The following WDR70 variants were observed in gnomAD, a reference collection of about 807,000 sequenced individuals.
WDR70 encodes the protein WD repeat domain 70, also known as WD repeat-containing protein 70.
Under a neutral mutation model 88.6 loss-of-function variants are expected in WDR70, and 53 were observed. The observed-to-expected ratio is 0.60, with a 90% confidence interval of 0.48 to 0.75. The LOEUF is 0.75. Among genes scored for constraint, WDR70 ranks in the 30% least tolerant of loss-of-function variants. The pLI is 0.00. For synonymous variants in WDR70, 280 were observed against 270.0 expected (o/e 1.04, Z -0.36); for missense variants, 610 against 823.2 (o/e 0.74, Z 3.17).
At chr5:37,703,956 A>G (rs1298264380) in intron 13 of WDR70, among the ~76,000 whole-genome samples, 1 of 152,218 alleles carries the variant, frequency 6.6e-6, no homozygotes, top group African/African-American at 2.4e-5. Flanking sequence ...CAGTTGAGAC[A>G]TATTATGCAC....
intron 9 of WDR70, among the ~76,000 whole-genome samples, chr5:37,523,938 TA>T (rs1413582545): frequency 6.6e-6 from 1 of 150,936 alleles, no homozygotes; most frequent in Non-Finnish European, 1.5e-5. Flanking sequence ...GAAAAAAGAG[TA>T]AAAAGAAATG....
chr5:37,602,556 G>A (rs563723035), intron 9 of WDR70, among the ~76,000 whole-genome samples: 203 of 152,006 alleles, frequency 1.3e-3, no homozygotes, highest in Non-Finnish European at 1.9e-3. Context: ...AACCTGGGAG[G>A]CGGAGGCTGC....
chr5:37,551,563 A>C (rs897996559), intron 9 of WDR70, among the ~76,000 whole-genome samples: 2 of 151,490 alleles, frequency 1.3e-5, no homozygotes, highest in Non-Finnish European at 2.9e-5. Context: ...CCCTGTCTCT[A>C]CTAAAAATAC....
At chr5:37,465,574 G>A (rs1327541841) in intron 7 of WDR70, among the ~76,000 whole-genome samples, 3 of 151,376 alleles carry the variant, frequency 2.0e-5, no homozygotes, top group Non-Finnish European at 4.4e-5. Context: ...CAGCTAGGAC[G>A]AAAAATTCTA....
chr5:37,644,634 A>G (rs1745186937), intron 10 of WDR70, among the ~76,000 whole-genome samples: 1 of 151,842 alleles, frequency 6.6e-6, no homozygotes, highest in Non-Finnish European at 1.5e-5. Context: ...GGGAAACTTT[A>G]TTATGGCTTC....
At chr5:37,573,211 C>T (rs757216960) in intron 9 of WDR70, among the ~76,000 whole-genome samples, 41 of 152,210 alleles carry the variant, frequency 2.7e-4, no homozygotes, top group Middle Eastern at 3.4e-3. Context: ...TCAGGTTTCC[C>T]GTCTTGCCTT....
At chr5:37,558,050 A>G (rs1339476659) in intron 9 of WDR70, among the ~76,000 whole-genome samples, 1 of 150,544 alleles carries the variant, frequency 6.6e-6, no homozygotes, top group Non-Finnish European at 1.5e-5. Flanking sequence ...AAGAACTAGC[A>G]TGACCACTCT....
chr5:37,480,378 T>G (rs945730707), intron 8 of WDR70, among the ~76,000 whole-genome samples: 2 of 152,212 alleles, frequency 1.3e-5, no homozygotes, highest in Admixed American at 6.5e-5. Flanking sequence ...TAGTCTGTTC[T>G]CATGCTGCTA....
At chr5:37,707,415 T>C (rs985355538) in intron 13 of WDR70, among the ~76,000 whole-genome samples, 1 of 152,212 alleles carries the variant, frequency 6.6e-6, no homozygotes, top group African/African-American at 2.4e-5. Flanking sequence ...CTAATTTATT[T>C]GTTTGCTTAG....
At chr5:37,505,648 T>C in intron 8 of WDR70, 1 of 789,382 alleles carries the variant, frequency 1.3e-6, no homozygotes, top group African/African-American at 1.7e-5. Flanking sequence ...ATAAGGAAAA[T>C]GTTTTCATCT....
At chr5:37,609,678 G>C (rs1280934579) in intron 10 of WDR70, among the ~76,000 whole-genome samples, 1 of 152,178 alleles carries the variant, frequency 6.6e-6, no homozygotes, top group Admixed American at 6.5e-5. Flanking sequence ...GCAAGCCCTT[G>C]CCCAGATTCT....
intron 9 of WDR70, among the ~76,000 whole-genome samples, chr5:37,523,828 C>T (rs530055287): frequency 2.0e-5 from 3 of 152,204 alleles, no homozygotes; most frequent in Admixed American, 1.3e-4. Context: ...AACTATGCGA[C>T]GCATGCACAA....
chr5:37,572,595 C>A (rs1421941895), intron 9 of WDR70, among the ~76,000 whole-genome samples: 1 of 152,090 alleles, frequency 6.6e-6, no homozygotes, highest in Non-Finnish European at 1.5e-5. Context: ...CCCTTCCCAC[C>A]CTAAACTTCC....
chr5:37,738,631 C>T lies in WDR70; in HGVS notation c.1877+11586C>T, dbSNP rs1221093969. 2.6e-5 allele frequency among the ~76,000 whole-genome samples: 4 copies of T among 152,114 alleles called. No individual in the cohort carries two copies. The East Asian group carries it at 5.8e-4, about 22-fold the overall frequency. On this transcript the variant is annotated intron_variant, in intron 17 of 17. Coordinates refer to ENST00000265107, the MANE Select transcript of WDR70 (RefSeq NM_018034.4). The stretch of plus-strand genomic sequence containing the variant: ...GCCCTTTTAGAAGATTGCAGAGGGA[C>T]TCTTTATTCATTACTGGCTGCTCTA...
intron 14 of WDR70, chr5:37,722,390 C>A (rs74495710): frequency 1.2e-5 from 2 of 167,898 alleles, no homozygotes; most frequent in Non-Finnish European, 2.6e-5. Flanking sequence ...CATAGCCCCT[C>A]GGCAACACTG....
chr5:37,639,050 A>T (rs915946694), intron 10 of WDR70, among the ~76,000 whole-genome samples: 1 of 152,232 alleles, frequency 6.6e-6, no homozygotes, highest in Non-Finnish European at 1.5e-5. Flanking sequence ...AAATCAGAAC[A>T]GTTAGAAGAA....
At chr5:37,437,788 G>T (rs1200896675) in intron 5 of WDR70, 134 bp from the exon 6 acceptor site, 13 of 738,018 alleles carry the variant, frequency 1.8e-5, no homozygotes, top group Middle Eastern at 2.8e-4. Context: ...ACACTTTTTT[G>T]CTGTTTTTTT....
intron 5 of WDR70, among the ~76,000 whole-genome samples, chr5:37,416,046 G>A (rs1417378099): frequency 6.7e-6 from 1 of 150,240 alleles, no homozygotes; most frequent in African/African-American, 2.4e-5. Context: ...CAGGCAGAGG[G>A]GCTCCTCACA....
chr5:37,430,835 C>T (rs1750280022), intron 5 of WDR70, among the ~76,000 whole-genome samples: 1 of 151,806 alleles, frequency 6.6e-6, no homozygotes, highest in African/African-American at 2.4e-5. Context: ...GCTGGGATTA[C>T]AGATGCGAGC....
Sources: gnomAD v4.1 joint callset for allele counts (sites outside exome capture counted in the v4.1 genomes callset) on GRCh38, gnomAD v4.1.1 for gene constraint, MANE v1.5 for transcripts, NCBI Gene and HGNC (gene_info 2026-07-23, HGNC 2026-07-21) for gene names.